NLGN3: variants seen among roughly 807,000 people sequenced by gnomAD.
The protein encoded by NLGN3 is neuroligin-3.
In NLGN3, 11 loss-of-function variants were observed where a neutral mutation model predicts 42.9. That is an observed-to-expected ratio of 0.26 (90% CI 0.16 to 0.42). The LOEUF is 0.42. Among genes scored for constraint, NLGN3 ranks in the 10% least tolerant of loss-of-function variants. NLGN3 has a pLI of 1.00. For synonymous variants in NLGN3, 279 were observed against 312.7 expected (o/e 0.89, Z 1.14); for missense variants, 374 against 733.8 (o/e 0.51, Z 5.67).
chrX:71,155,367 T>C lies in NLGN3; in HGVS notation c.727+4T>C. The C allele has an allele frequency of 8.3e-7, 1 of 1,211,988 alleles. No homozygotes were observed. On this transcript the variant is annotated splice_donor_region_variant and intron_variant, in intron 5 of 7. Transcript: ENST00000358741. ...AACTATCGGGTTGGAGTGCTAGGTA[T>C]GGTTCCCTGCCTGGTGCCTGGAAGG...
intron 5 of NLGN3, among the ~76,000 whole-genome samples, chrX:71,163,124 T>C (rs890086279): frequency 1.8e-5 from 2 of 109,720 alleles, no homozygotes; most frequent in Non-Finnish European, 3.8e-5. Context: ...GAAGGTAGTC[T>C]CCATGGCAAC....
chrX:71,155,803 A>T (rs1325002266), intron 5 of NLGN3, among the ~76,000 whole-genome samples: 3 of 110,436 alleles, frequency 2.7e-5, no homozygotes, highest in African/African-American at 6.6e-5. Flanking sequence ...CCACCCCGCC[A>T]TGCACCTGCA....
At chrX:71,146,896 G>A (rs1395879669) in intron 1 of NLGN3, among the ~76,000 whole-genome samples, 1 of 111,796 alleles carries the variant, frequency 8.9e-6, no homozygotes. Context: ...TGTGAATTAA[G>A]AGAGAGCCAA....
intron 3 of NLGN3, among the ~76,000 whole-genome samples, chrX:71,150,041 G>A (rs749819904): frequency 1.8e-5 from 2 of 110,928 alleles, no homozygotes; most frequent in Non-Finnish European, 3.8e-5. Context: ...ATTTCTGGGG[G>A]CAGAGCCTGG....
intron 6 of NLGN3, among the ~76,000 whole-genome samples, chrX:71,164,935 C>T (rs1480865285): frequency 9.0e-6 from 1 of 110,737 alleles, no homozygotes; most frequent in Admixed American, 9.6e-5. Context: ...GTCCCTTTGC[C>T]AGTGACCCTT....
In NLGN3 at chrX:71,147,800, G is replaced by T; in HGVS notation, c.51G>T (p.Thr17=). The change falls in exon 2 of 8, where the codon ACG becomes ACT. Residue 17 remains threonine (T), a synonymous_variant. Transcript: ENST00000358741. ...CGCTGTCCCTGAGCCCCAAGCCCAC[G>T]GTTGGCAGGAGCCTGTGCCTCACCC... ...PPSLSLSPKP[T]VGRSLCLTLW... The T allele has an allele frequency of 8.3e-7, 1 of 1,210,244 alleles. No individual in the cohort carries two copies. The highest frequency in any genetic ancestry group is 1.1e-6 in the Non-Finnish European group (1 of 895,014).
At chrX:71,152,468 A>T (rs768625966) in intron 3 of NLGN3, among the ~76,000 whole-genome samples, 7 of 109,839 alleles carry the variant, frequency 6.4e-5, no homozygotes, top group Non-Finnish European at 1.3e-4. Context: ...TGGGCTTTGG[A>T]GTCAAGCAGA....
Position 71,170,999 on chromosome X carries a change from A to T in NLGN3, c.*902A>T, listed in dbSNP as rs757084138. 2.7e-6 allele frequency: 2 copies of T among 752,107 alleles called. No individual in the cohort carries two copies. Among genetic ancestry groups the T allele is most frequent in the East Asian group, 1.5e-4 (1 of 6,538 alleles). 62.0% of individuals were successfully genotyped at this position (752,107 alleles called of 1,213,427 possible). ...TCTGCCCTTGGGGAAATGCTATCAGAAATTCGCCCCATTTTCTTTACAGTC... is the reference window on the plus strand; with the variant it reads ...TCTGCCCTTGGGGAAATGCTATCAGTAATTCGCCCCATTTTCTTTACAGTC... On this transcript the variant is annotated 3_prime_UTR_variant, in exon 8 of 8. Transcript: ENST00000358741.
chrX:71,164,975 C>T (rs1013122406), intron 6 of NLGN3, among the ~76,000 whole-genome samples: 5 of 111,091 alleles, frequency 4.5e-5, no homozygotes, highest in African/African-American at 1.6e-4. Context: ...CCTTTTTGCT[C>T]GGCAGGAAAT....
Position 71,155,937 on chromosome X carries a change from C to G in NLGN3, c.727+574C>G, listed in dbSNP as rs150143794. Among the ~76,000 whole-genome samples the G allele has an allele frequency of 8.6e-3, 951 of 110,911 alleles. 14 individuals carry two copies. Among genetic ancestry groups the G allele is most frequent in the African/African-American group, 0.03 (901 of 30,368 alleles). On this transcript the variant is annotated intron_variant, in intron 5 of 7. Transcript: ENST00000358741. ...CTCCAGGTAACTCCATTCACATGGT[C>G]TCTCCAGAACACATATCCACATACC...
downstream of NLGN3, chrX:71,171,602 G>C: frequency 1.5e-5 from 10 of 663,644 alleles, no homozygotes; most frequent in Non-Finnish European, 1.8e-5. Flanking sequence ...TGGGGGCTGG[G>C]AGGAGGTTTG....
intron 1 of NLGN3, among the ~76,000 whole-genome samples, chrX:71,146,153 T>TCACACACACACACACA (rs752225810): frequency 1.1e-4 from 3 of 26,345 alleles, no homozygotes; most frequent in East Asian, 9.4e-4. Context: ...TCTCTCTCTC[T>TCACACACACACACACA]CACACACACA....
At position 71,170,928 on chromosome X, in the gene NLGN3, G is replaced by A; in HGVS notation, c.*831G>A. 1.3e-6 allele frequency: 1 copy of A among 753,131 alleles called. No individual in the cohort carries two copies. The highest frequency in any genetic ancestry group is 1.6e-6 in the Non-Finnish European group (1 of 639,148). The allele number at this position is 753,131 out of a possible 1,213,427, so 62.1% of individuals were successfully genotyped here. A position where few individuals can be genotyped will look rare whatever the true frequency, so the allele number is the denominator to read the frequency against. On this transcript the variant is annotated 3_prime_UTR_variant, in exon 8 of 8. Transcript: ENST00000358741. ...TAGATTTGGTGAACAACGTACTATG[G>A]AAGCCACATCACTATTGGGCCCCCA... is the stretch of plus-strand genomic sequence containing the variant.
Position 71,167,606 on chromosome X carries a change from C to G in NLGN3, c.1509C>G (p.Phe503Leu), listed in dbSNP as rs772727575. The G allele has an allele frequency of 1.7e-6, 2 of 1,211,138 alleles. No homozygotes were observed. The highest frequency in any genetic ancestry group is 4.4e-5 in the Admixed American group (2 of 45,935). Residue 503 changes from phenylalanine to leucine, a missense_variant, in exon 7 of 8, where the codon TTC (phenylalanine) becomes TTG (leucine). Physicochemically the swap from Phe to Leu is conservative, Grantham distance 22. Around this residue, in one of 6 missense-constraint regions of NLGN3, gnomAD observed 142 missense variants for 359.1 expected, o/e 0.40. Transcript: ENST00000358741. ...LHARYGSPTY[F>L]YAFYHHCQSL... ...CCCGCTACGGCTCGCCTACCTACTTCTACGCCTTCTATCATCACTGCCAGA... is the reference window on the plus strand; with the variant it reads ...CCCGCTACGGCTCGCCTACCTACTTGTACGCCTTCTATCATCACTGCCAGA...
intron 4 of NLGN3, among the ~76,000 whole-genome samples, chrX:71,154,644 C>A (rs1360166240): frequency 1.8e-5 from 2 of 111,911 alleles, no homozygotes; most frequent in Middle Eastern, 4.3e-3. Context: ...AAGGTTCCCC[C>A]CACCCTATCT....
rs1184190710 is a variant in NLGN3 at position 71,168,863 on chromosome X, AAGAAAG to A, written c.1704-383_1704-378del. 7.9e-5 allele frequency among the ~76,000 whole-genome samples: 7 copies of A among 88,375 alleles called. No homozygotes were observed. The East Asian group carries it at 1.5e-3, about 19-fold the overall frequency. 76.7% of individuals were successfully genotyped at this position (88,375 alleles called of 115,157 possible). On this transcript the variant is annotated intron_variant, in intron 7 of 7. Coordinates refer to ENST00000358741, the MANE Select transcript of NLGN3 (RefSeq NM_181303.2). ...AAAGAAAGAAAGAAAGAAAGAAAGAAAGAAAGAGAAAGAAAAGAAAGAGAAAGAAAG... is the reference window on the plus strand; with the variant it reads ...AAAGAAAGAAAGAAAGAAAGAAAGAAAGAAAGAAAAGAAAGAGAAAGAAAG...
At chrX:71,153,613 T>A in intron 4 of NLGN3, 77 bp downstream of exon 4, 1 of 814,034 alleles carries the variant, frequency 1.2e-6, no homozygotes, top group South Asian at 2.2e-5. Context: ...AGAAGCCCCG[T>A]CTGTCTGTCT....
intron 5 of NLGN3, among the ~76,000 whole-genome samples, chrX:71,157,075 G>A (rs779115625): frequency 1.8e-5 from 2 of 111,135 alleles, no homozygotes; most frequent in East Asian, 2.8e-4. Flanking sequence ...GAGTTTCAGC[G>A]GGAGTGTAGG....
chrX:71,170,062 G>C lies in NLGN3; in HGVS notation c.2512G>C (p.Gly838Arg), dbSNP rs1365459425. 2 of 1,209,583 alleles carry C rather than the reference G, an allele frequency of 1.7e-6. No homozygotes were observed. The highest frequency in any genetic ancestry group is 2.2e-6 in the Non-Finnish European group (2 of 894,926). ...NTFAAGFNST[G>R]LPHSHSTTRV ...CTTTGCCGCAGGGTTCAACAGTACC[G>C]GGCTGCCCCACTCACACTCCACTAC... Residue 838 changes from glycine to arginine, a missense_variant, in exon 8 of 8, where the codon GGG (glycine) becomes CGG (arginine). Physicochemically the swap from Gly to Arg is moderately radical, Grantham distance 125. Transcript: ENST00000358741.
Sources: allele counts gnomAD v4.1 joint callset (sites outside exome capture counted in the v4.1 genomes callset), GRCh38; gene constraint gnomAD v4.1.1; regional missense constraint gnomAD v4.1.1; transcripts MANE v1.5; gene names NCBI Gene and HGNC (gene_info 2026-07-23, HGNC 2026-07-21).